Variants in AGPAT5 observed in about 807,000 individuals in gnomAD.
AGPAT5 encodes the protein 1-acylglycerol-3-phosphate O-acyltransferase 5.
AGPAT5 carries 46 observed loss-of-function variants against 45.6 expected under a neutral mutation model. The observed-to-expected ratio is 1.01, with a 90% confidence interval of 0.80 to 1.29. The LOEUF is 1.29. Ranked by LOEUF, AGPAT5 falls within the 50% of genes most tolerant of loss-of-function variation. The probability of loss-of-function intolerance (pLI) is 0.00; values close to 1 mark genes in which losing one functional copy is unlikely to be tolerated. For synonymous variants in AGPAT5, 272 were observed against 167.0 expected (o/e 1.63, Z -4.85); for missense variants, 673 against 450.7 (o/e 1.49, Z -4.47).
At chr8:6,735,180 C>G (rs1242894025) in intron 4 of AGPAT5, among the ~76,000 whole-genome samples, 1 of 152,152 alleles carries the variant, frequency 6.6e-6, no homozygotes, top group Non-Finnish European at 1.5e-5. Flanking sequence ...TTCACCCAGC[C>G]TCATCGAGTA....
chr8:6,713,911 A>G (rs1251949441), intron 1 of AGPAT5, among the ~76,000 whole-genome samples: 1 of 152,184 alleles, frequency 6.6e-6, no homozygotes, highest in Non-Finnish European at 1.5e-5. Flanking sequence ...AACATTTATA[A>G]CTGGATCTTT....
chr8:6,717,290 T>C (rs191942486), intron 1 of AGPAT5, among the ~76,000 whole-genome samples: 9 of 152,268 alleles, frequency 5.9e-5, no homozygotes. Flanking sequence ...AGAGTACTTA[T>C]TTGTGTATAA....
Position 6,757,663 on chromosome 8 carries a change from A to T in AGPAT5, c.*275A>T. 3.3e-6 allele frequency: 1 copy of T among 307,348 alleles called. No homozygotes were observed. 19.0% of individuals were successfully genotyped at this position (307,348 alleles called of 1,614,324 possible). A position where few individuals can be genotyped will look rare whatever the true frequency, so the allele number is the denominator to read the frequency against. On this transcript the variant is annotated 3_prime_UTR_variant, in exon 8 of 8. Coordinates refer to ENST00000285518, the MANE Select transcript of AGPAT5 (RefSeq NM_018361.5). ...TTTCCTATGAACTAATGACAACTTG[A>T]GAAGGCTGGGAGGATTGTGTATTTT... is the stretch of plus-strand genomic sequence containing the variant.
chr8:6,709,846 C>G (rs1586993260), intron 1 of AGPAT5, among the ~76,000 whole-genome samples: 1 of 152,222 alleles, frequency 6.6e-6, no homozygotes, highest in East Asian at 1.9e-4. Flanking sequence ...GGGGAAGGAA[C>G]TAGGAGAGGC....
intron 4 of AGPAT5, among the ~76,000 whole-genome samples, chr8:6,735,241 T>C (rs2116910228): frequency 6.6e-6 from 1 of 152,294 alleles, no homozygotes; most frequent in Non-Finnish European, 1.5e-5. Flanking sequence ...GTTCATCAGT[T>C]TCAGGCTGCT....
intron 7 of AGPAT5, among the ~76,000 whole-genome samples, chr8:6,755,918 C>T (rs1408142729): frequency 6.6e-6 from 1 of 152,126 alleles, no homozygotes; most frequent in Non-Finnish European, 1.5e-5. Flanking sequence ...TTCAGGACCA[C>T]TTTGGCCCAT....
intron 3 of AGPAT5, 69 bp from the exon 4 acceptor site, chr8:6,732,492 C>G (rs1800896127): frequency 3.0e-6 from 4 of 1,317,056 alleles, no homozygotes; most frequent in Non-Finnish European, 3.1e-6. Flanking sequence ...GAGAAGTTGC[C>G]TTTTTGATGA....
Position 6,757,645 on chromosome 8 carries a change from T to C in AGPAT5, c.*257T>C. On this transcript the variant is annotated 3_prime_UTR_variant, in exon 8 of 8. Transcript: ENST00000285518. ...TTTCTCCTGCTCTGTCCATTTCCTA[T>C]GAACTAATGACAACTTGAGAAGGCT... is the stretch of plus-strand genomic sequence containing the variant. The C allele has an allele frequency of 2.9e-6, 1 of 348,660 alleles. No homozygotes were observed. The allele number at this position is 348,660 out of a possible 1,614,324, so 21.6% of individuals were successfully genotyped here. A position where few individuals can be genotyped will look rare whatever the true frequency, so the allele number is the denominator to read the frequency against.
intron 7 of AGPAT5, among the ~76,000 whole-genome samples, chr8:6,755,486 C>G (rs1002942463): frequency 6.6e-6 from 1 of 152,154 alleles, no homozygotes; most frequent in Non-Finnish European, 1.5e-5. Context: ...GATGCCCGGA[C>G]CTACCTGTCA....
intron 7 of AGPAT5, among the ~76,000 whole-genome samples, chr8:6,755,911 A>G (rs1471121619): frequency 6.6e-6 from 1 of 152,206 alleles, no homozygotes; most frequent in Non-Finnish European, 1.5e-5. Flanking sequence ...CGAGCCATTC[A>G]GGACCACTTT....
chr8:6,736,394 T>G (rs143166206), intron 4 of AGPAT5, among the ~76,000 whole-genome samples: 1 of 152,340 alleles, frequency 6.6e-6, no homozygotes, highest in African/African-American at 2.4e-5. Context: ...GCTGTGTGGT[T>G]TTTGTCAAAT....
intron 1 of AGPAT5, among the ~76,000 whole-genome samples, chr8:6,711,077 G>A (rs1023033167): frequency 3.3e-5 from 5 of 152,018 alleles, no homozygotes; most frequent in Middle Eastern, 3.2e-3. Context: ...TATTAAAGAG[G>A]CATTTTAAAA....
At chr8:6,713,756 G>A (rs1468565244) in intron 1 of AGPAT5, among the ~76,000 whole-genome samples, 1 of 151,908 alleles carries the variant, frequency 6.6e-6, no homozygotes, top group African/African-American at 2.4e-5. Flanking sequence ...GGGTAGAGAC[G>A]AGATTTTGCC....
chr8:6,722,649 T>C (rs889433564), intron 1 of AGPAT5, among the ~76,000 whole-genome samples: 1 of 152,194 alleles, frequency 6.6e-6, no homozygotes, highest in Non-Finnish European at 1.5e-5. Flanking sequence ...AACACAGATG[T>C]GATGAAGGCG....
At chr8:6,744,162 C>G (rs1289667324) in intron 5 of AGPAT5, among the ~76,000 whole-genome samples, 1 of 151,986 alleles carries the variant, frequency 6.6e-6, no homozygotes, top group East Asian at 1.9e-4. Flanking sequence ...AAGACATAAA[C>G]TAGAAAAATG....
Position 6,732,544 on chromosome 8 carries a change from C to G in AGPAT5, c.406-17C>G, listed in dbSNP as rs201289468. 2.5e-6 allele frequency: 4 copies of G among 1,577,100 alleles called. No individual in the cohort carries two copies. Among genetic ancestry groups the G allele is most frequent in the Non-Finnish European group, 3.4e-6 (4 of 1,167,600 alleles). On this transcript the variant is annotated splice_polypyrimidine_tract_variant and intron_variant, in intron 3 of 7. Coordinates refer to ENST00000285518, the MANE Select transcript of AGPAT5 (RefSeq NM_018361.5). The stretch of plus-strand genomic sequence containing the variant: ...TTTTAAAAGTAAATGCTCTTTCTCC[C>G]GATTTGATTGTGGCAGCATGGAGGA...
chr8:6,736,800 A>G (rs773013136), intron 4 of AGPAT5, among the ~76,000 whole-genome samples: 1 of 152,188 alleles, frequency 6.6e-6, no homozygotes, highest in African/African-American at 2.4e-5. Flanking sequence ...CCTCTCATTT[A>G]CTTTCACCCT....
intron 4 of AGPAT5, chr8:6,738,264 G>A (rs1224322929): frequency 6.6e-6 from 1 of 152,140 alleles, no homozygotes; most frequent in East Asian, 1.9e-4. Flanking sequence ...GGAACGCTTA[G>A]CAGCCATTGT....
intron 5 of AGPAT5, among the ~76,000 whole-genome samples, chr8:6,747,421 C>A (rs902470564): frequency 1.4e-4 from 22 of 152,218 alleles, no homozygotes; most frequent in African/African-American, 4.6e-4. Context: ...TCCGCTAGGC[C>A]ATAAACTTCC....
Sources: allele counts gnomAD v4.1 joint callset (sites outside exome capture counted in the v4.1 genomes callset), GRCh38; gene constraint gnomAD v4.1.1; transcripts MANE v1.5; gene names NCBI Gene and HGNC (gene_info 2026-07-23, HGNC 2026-07-21).